The following SHROOM1 variants were observed in gnomAD, a reference collection of about 807,000 sequenced individuals.
SHROOM1 encodes the protein shroom family member 1, also known as protein Shroom1.
In SHROOM1, 53 loss-of-function variants were observed where a neutral mutation model predicts 64.2. The observed-to-expected ratio is 0.83, with a 90% CI of 0.66 to 1.04. The LOEUF (loss-of-function observed/expected upper bound fraction) is 1.04, where lower values mean the gene tolerates loss of function less well. Among genes scored for constraint, SHROOM1 ranks in the 50% least tolerant of loss-of-function variants. The pLI is 0.00. For missense variants in SHROOM1, 1,179 were observed against 1,163.2 expected (o/e 1.01, Z -0.20); for synonymous variants, 490 against 518.9 (o/e 0.94, Z 0.76).
intron 1 of SHROOM1, 100 bp from the exon 2 acceptor site, chr5:132,827,707 G>C (rs1758747757): frequency 6.6e-6 from 1 of 152,268 alleles, no homozygotes; most frequent in Non-Finnish European, 1.5e-5. Context: ...TAGATGTAGG[G>C]GTGGCCTTGG....
At chr5:132,828,691 A>T (rs190096688) in intron 1 of SHROOM1, among the ~76,000 whole-genome samples, 1 of 152,368 alleles carries the variant, frequency 6.6e-6, no homozygotes, top group Admixed American at 6.5e-5. Flanking sequence ...TTACTATGTT[A>T]AAGGATTCTG....
intron 1 of SHROOM1, chr5:132,829,826 C>T: frequency 1.0e-6 from 1 of 985,466 alleles, no homozygotes; most frequent in Non-Finnish European, 1.2e-6. Flanking sequence ...CCCAGCGTCC[C>T]CCGTTCTCCC....
Position 132,824,393 on chromosome 5 carries a change from C to T in SHROOM1, c.1268G>A (p.Gly423Glu). The T allele has an allele frequency of 6.4e-7, 1 of 1,559,370 alleles. No homozygotes were observed. ...ASVHASDQPY[G>E]TGLGQRTGQV... is the part of the protein sequence containing the mutation. ...GCCAGTTCTTTGGCCTAAGCCAGTT[C>T]CATACGGCTGGTCAGAGGCATGGAC... The change falls in exon 7 of 10, where the codon GGA becomes GAA. Residue 423 changes from glycine to glutamate, a missense_variant. Transcript: ENST00000378679.
chr5:132,824,001 G>T lies in SHROOM1; in HGVS notation c.1660C>A (p.Pro554Thr). The stretch of plus-strand genomic sequence containing the variant: ...GAAGCAAGAGGGTCACATAGAGAGG[G>T]ATCTAATCTGGCCAGCTCCTGAACC... ...ELVQELARLD[P>T]SLCDPLASQP... Residue 554 changes from proline to threonine, a missense_variant, in exon 7 of 10, where the codon CCC (proline) becomes ACC (threonine). By Grantham distance (38) the Pro-to-Thr change is conservative. Coordinates refer to ENST00000378679, the MANE Select transcript of SHROOM1 (RefSeq NM_001172700.2). The T allele has an allele frequency of 6.2e-7, 1 of 1,606,714 alleles. No homozygotes were observed. Among genetic ancestry groups the T allele is most frequent in the Non-Finnish European group, 8.5e-7 (1 of 1,176,258 alleles).
In SHROOM1 at chr5:132,825,171, TGGG is replaced by T; in HGVS notation, c.967_969del (p.Pro323del). The T allele has an allele frequency of 6.2e-7, 1 of 1,614,104 alleles. No individual in the cohort carries two copies. Among genetic ancestry groups the T allele is most frequent in the Non-Finnish European group, 8.5e-7 (1 of 1,180,014 alleles). On this transcript the variant is annotated inframe_deletion, in exon 4 of 10. Coordinates refer to ENST00000378679, the MANE Select transcript of SHROOM1 (RefSeq NM_001172700.2). The surrounding 1 kb of genome is among the most constrained non-coding windows in gnomAD (Gnocchi z 5.1). ...TCTCCTGACTTCCATACCTGGACAA[TGGG>T]TATGGTCCCTCCTGATCCTCCCCAG...
chr5:132,823,397 G>A lies in SHROOM1; in HGVS notation c.2079C>T (p.Ala693=), dbSNP rs1758523857. The A allele has an allele frequency of 1.2e-6, 2 of 1,610,478 alleles. No individual in the cohort carries two copies. Among genetic ancestry groups the A allele is most frequent in the Non-Finnish European group, 1.7e-6 (2 of 1,179,812 alleles). The change falls in exon 9 of 10, where the codon GCC becomes GCT. Residue 693 remains alanine (A), a synonymous_variant. Transcript: ENST00000378679. This position sits in a 1 kb window ranked among gnomAD's most constrained non-coding sequence, Gnocchi z 4.6. ...ACCGCTCCAGCTCCTGAGGGGCACA[G>A]GCCTGGCGCACTGCAGCCTCCAGAG... is the stretch of plus-strand genomic sequence containing the variant. ...QAALEAAVRQ[A]CAPQELERFS... is the part of the protein sequence containing the mutation.
In SHROOM1 at chr5:132,825,268, G is replaced by GCTCC. The variant is rs780709585; in HGVS notation, c.872_873insGGAG (p.Leu292GlufsTer6). 1 of 1,613,536 alleles carries GCTCC rather than the reference G, an allele frequency of 6.2e-7. No homozygotes were observed. The highest frequency in any genetic ancestry group is 8.5e-7 in the Non-Finnish European group (1 of 1,179,958). On this transcript the variant is annotated frameshift_variant, in exon 4 of 10. Transcript: ENST00000378679. LOFTEE classifies it high-confidence loss of function. The surrounding 1 kb of genome is among the most constrained non-coding windows in gnomAD (Gnocchi z 5.1). Reference sequence around the variant, plus strand: ...GCCTGAAGGCATCACCGAGCTTCAAGGACCCGGAGTCCAGGTTCATGGAGC... The same window carrying GCTCC: ...GCCTGAAGGCATCACCGAGCTTCAAGCTCCGACCCGGAGTCCAGGTTCATGGAGC...
intron 1 of SHROOM1, among the ~76,000 whole-genome samples, chr5:132,829,356 T>G (rs1758787176): frequency 6.6e-6 from 1 of 152,232 alleles, no homozygotes; most frequent in African/African-American, 2.4e-5. Context: ...TCCTTCAGTC[T>G]GGGCTTCATG....
rs1360790247 is a variant in SHROOM1 at position 132,830,494 on chromosome 5, G to C, written c.-501+100C>G. On this transcript the variant is annotated intron_variant, in intron 1 of 9. Transcript: ENST00000378679. This position sits in a 1 kb window ranked among gnomAD's most constrained non-coding sequence, Gnocchi z 5.9. ...CGGGCTGCCCCGCGACCACCGCCTC[G>C]CCGCCCGCTCTTCACCCCCGTCCGC... 1.0e-6 allele frequency: 1 copy of C among 984,836 alleles called. No homozygotes were observed. The highest frequency in any genetic ancestry group is 1.8e-5 in the African/African-American group (1 of 56,960). 61.0% of individuals were successfully genotyped at this position (984,836 alleles called of 1,614,324 possible).
At position 132,823,442 on chromosome 5, in the gene SHROOM1, C is replaced by T. The variant is rs4705870; in HGVS notation, c.2034G>A (p.Ala678=). ...CCAGAGCCGCTTGGCGCCTGGCCCA[C>T]GCTTGTGCCTCCCCCTGCAGCCGCT... is the stretch of plus-strand genomic sequence containing the variant. The part of the protein sequence containing the change: ...EQERLQGEAQ[A]WARRQAALEA... The change falls in exon 9 of 10, where the codon GCG becomes GCA. Residue 678 remains alanine (A), a synonymous_variant. Coordinates refer to ENST00000378679, the MANE Select transcript of SHROOM1 (RefSeq NM_001172700.2). This position sits in a 1 kb window ranked among gnomAD's most constrained non-coding sequence, Gnocchi z 4.6. The T allele has an allele frequency of 0.14, 227,331 of 1,612,108 alleles. 16,794 individuals are homozygous for T. The highest frequency in any genetic ancestry group is 0.21 in the Middle Eastern group (1,256 of 6,038).
intron 1 of SHROOM1, chr5:132,829,725 T>A: frequency 3.0e-6 from 3 of 985,392 alleles, no homozygotes; most frequent in Non-Finnish European, 2.4e-6. Context: ...CAGACTGAGT[T>A]CCTGGGTACT....
At position 132,822,558 on chromosome 5, in the gene SHROOM1, T is replaced by G; in HGVS notation, c.*238A>C. The G allele has an allele frequency of 2.4e-6, 1 of 424,442 alleles. No homozygotes were observed. Among genetic ancestry groups the G allele is most frequent in the Non-Finnish European group, 4.2e-6 (1 of 238,196 alleles). 26.3% of individuals were successfully genotyped at this position (424,442 alleles called of 1,614,324 possible). A position where few individuals can be genotyped will look rare whatever the true frequency, so the allele number is the denominator to read the frequency against. ...TTTTATATTTTTAGTAGAGACGGGG[T>G]TTCACCGTGTTAGCCAGGATGGTCT... On this transcript the variant is annotated 3_prime_UTR_variant, in exon 10 of 10. Transcript: ENST00000378679.
In SHROOM1 at chr5:132,823,088, T is replaced by G; in HGVS notation, c.2267A>C (p.Glu756Ala). 3.2e-6 allele frequency: 5 copies of G among 1,582,590 alleles called. No homozygotes were observed. Among genetic ancestry groups the G allele is most frequent in the Non-Finnish European group, 4.3e-6 (5 of 1,171,920 alleles). The change falls in exon 10 of 10, where the codon GAG (glutamate) becomes GCG (alanine). Residue 756 changes from glutamate to alanine, a missense_variant. Glu to Ala is a moderately radical substitution (Grantham distance 107). Transcript: ENST00000378679. The surrounding 1 kb of genome is among the most constrained non-coding windows in gnomAD (Gnocchi z 4.6). ...LQRLRLLQRQ[E>A]EDAKELKEHV... is the part of the protein sequence containing the mutation. ...CTCCTTCAGCTCCTTGGCGTCCTCCTCCTGCCGCTGCAGGAGCCGGAGTCG... is the reference window on the plus strand; with the variant it reads ...CTCCTTCAGCTCCTTGGCGTCCTCCGCCTGCCGCTGCAGGAGCCGGAGTCG...
At position 132,828,045 on chromosome 5, in the gene SHROOM1, G is replaced by A. The variant is rs532591104; in HGVS notation, c.-500-438C>T. On this transcript the variant is annotated intron_variant, in intron 1 of 9. Coordinates refer to ENST00000378679, the MANE Select transcript of SHROOM1 (RefSeq NM_001172700.2). Reference sequence around the variant, plus strand: ...GAACTATGGAGACTTTTGGGCGCTGGCCTCCATTCTCTGAGCTGCTTGGTA... The same window carrying A: ...GAACTATGGAGACTTTTGGGCGCTGACCTCCATTCTCTGAGCTGCTTGGTA... 6.6e-5 allele frequency among the ~76,000 whole-genome samples: 10 copies of A among 152,244 alleles called. No homozygotes were observed. In the South Asian group the frequency reaches 1.7e-3, roughly 25 times the overall value.
intron 1 of SHROOM1, among the ~76,000 whole-genome samples, chr5:132,828,032 CTT>C (rs1758756108): frequency 6.6e-6 from 1 of 152,082 alleles, no homozygotes; most frequent in African/African-American, 2.4e-5. Flanking sequence ...ACTATGGAGA[CTT>C]TTGGGCGCTG....
In SHROOM1 at chr5:132,822,712, G is replaced by T; in HGVS notation, c.*84C>A. 1 of 1,431,234 alleles carries T rather than the reference G, an allele frequency of 7.0e-7. No homozygotes were observed. Among genetic ancestry groups the T allele is most frequent in the South Asian group, 1.4e-5 (1 of 69,872 alleles). 88.7% of individuals were successfully genotyped at this position (1,431,234 alleles called of 1,614,324 possible). Reference sequence around the variant, plus strand: ...GACTGGGTCCTCCCCAATCCCTCAAGGGAAAAGCAGAGACTAAATCAGCAT... The same window carrying T: ...GACTGGGTCCTCCCCAATCCCTCAATGGAAAAGCAGAGACTAAATCAGCAT... On this transcript the variant is annotated 3_prime_UTR_variant, in exon 10 of 10. Coordinates refer to ENST00000378679, the MANE Select transcript of SHROOM1 (RefSeq NM_001172700.2).
rs2150030438 is a variant in SHROOM1 at position 132,825,705 on chromosome 5, G to A, written c.436C>T (p.Gln146Ter). Reference sequence around the variant, plus strand: ...CGGAGCACTCGCCGCTGCGCGCCCTGAAGCCGCTGGCGGTAGGCGGCCCTC... The same window carrying A: ...CGGAGCACTCGCCGCTGCGCGCCCTAAAGCCGCTGGCGGTAGGCGGCCCTC... ...ASRAAYRQRL[Q>*]GAQRRVLRET... The change falls in exon 4 of 10, where the codon CAG becomes TAG. Residue 146 changes from glutamine to a stop codon, truncating the protein, a stop_gained. Transcript: ENST00000378679. LOFTEE classifies it high-confidence loss of function. This position sits in a 1 kb window ranked among gnomAD's most constrained non-coding sequence, Gnocchi z 5.1. 7.5e-7 allele frequency: 1 copy of A among 1,325,980 alleles called. No individual in the cohort carries two copies. The highest frequency in any genetic ancestry group is 9.6e-7 in the Non-Finnish European group (1 of 1,041,298). The allele number at this position is 1,325,980 out of a possible 1,614,324, so 82.1% of individuals were successfully genotyped here. A position where few individuals can be genotyped will look rare whatever the true frequency, so the allele number is the denominator to read the frequency against.
Position 132,824,003 on chromosome 5 carries a change from T to G in SHROOM1, c.1658A>C (p.Asp553Ala). ...AGCAAGAGGGTCACATAGAGAGGGA[T>G]CTAATCTGGCCAGCTCCTGAACCAG... ...EELVQELARL[D>A]PSLCDPLASQ... is the part of the protein sequence containing the mutation. The change falls in exon 7 of 10, where the codon GAT (aspartate) becomes GCT (alanine). Residue 553 changes from aspartate (D) to alanine (A), a missense_variant. Coordinates refer to ENST00000378679, the MANE Select transcript of SHROOM1 (RefSeq NM_001172700.2). 6 of 1,606,714 alleles carry G rather than the reference T, an allele frequency of 3.7e-6. No homozygotes were observed. Among genetic ancestry groups the G allele is most frequent in the Non-Finnish European group, 5.1e-6 (6 of 1,176,270 alleles).
Position 132,830,579 on chromosome 5 carries a change from GC to G in SHROOM1, c.-501+14del. On this transcript the variant is annotated intron_variant, in intron 1 of 9. Transcript: ENST00000378679. The surrounding 1 kb of genome is among the most constrained non-coding windows in gnomAD (Gnocchi z 5.9). ...CCAGCCGCCCGCTTCCCGCTCCCCC[GC>G]CCCCGCCGCGTACCTGAGGCTCCCG... is the stretch of plus-strand genomic sequence containing the variant. The G allele has an allele frequency of 1.0e-6, 1 of 985,074 alleles. No homozygotes were observed. Among genetic ancestry groups the G allele is most frequent in the African/African-American group, 1.8e-5 (1 of 57,122 alleles). 61.0% of individuals were successfully genotyped at this position (985,074 alleles called of 1,614,324 possible).
Sources: gnomAD v4.1 joint callset for allele counts (sites outside exome capture counted in the v4.1 genomes callset) on GRCh38, gnomAD v4.1.1 for gene constraint, Gnocchi (gnomAD v3.1) non-coding constraint, MANE v1.5 for transcripts, NCBI Gene and HGNC (gene_info 2026-07-23, HGNC 2026-07-21) for gene names.